GATAD2A: variants seen among roughly 807,000 people sequenced by gnomAD.
GATAD2A encodes the protein GATA zinc finger domain containing 2A.
GATAD2A carries 12 observed loss-of-function variants against 68.5 expected under a neutral mutation model. That is an observed-to-expected ratio of 0.18 (90% CI 0.11 to 0.28). The LOEUF (loss-of-function observed/expected upper bound fraction) is 0.28. Among genes scored for constraint, GATAD2A ranks in the 10% least tolerant of loss-of-function variants. GATAD2A has a pLI of 1.00. For missense variants in GATAD2A, 755 were observed against 868.5 expected, an observed-to-expected ratio of 0.87 and a Z score of 1.64; for synonymous variants, 410 against 375.3, an observed-to-expected ratio of 1.09 and a Z score of -1.07.
At chr19:19,429,984 C>G (rs2053554403) in intron 1 of GATAD2A, among the ~76,000 whole-genome samples, 1 of 152,064 alleles carries the variant, frequency 6.6e-6, no homozygotes. Context: ...TTGGCGGCAG[C>G]TTGCTGCTGT....
intron 1 of GATAD2A, among the ~76,000 whole-genome samples, chr19:19,416,267 G>A (rs937918137): frequency 6.6e-6 from 1 of 152,116 alleles, no homozygotes; most frequent in South Asian, 2.1e-4. Flanking sequence ...GTTAGTCCCG[G>A]GCAAGAGCGA....
At chr19:19,429,168 A>G (rs2053444885) in intron 1 of GATAD2A, 1 of 985,086 alleles carries the variant, frequency 1.0e-6, no homozygotes, top group African/African-American at 1.7e-5. Flanking sequence ...TCCATGGAGC[A>G]TGGAGCCTTT....
rs763142382 is a variant in GATAD2A, at chr19:19,502,071, C to T, written c.1578+28C>T. 3.9e-6 allele frequency: 6 copies of T among 1,557,384 alleles called. No individual in the cohort carries two copies. The South Asian group carries it at 4.5e-5, about 12-fold the overall frequency. On this transcript the variant is annotated intron_variant, in intron 10 of 11. Transcript: ENST00000683918. Reference sequence around the variant, plus strand: ...CAGAACCGCACTGGGCGCCGGGAGCCTCGCGCCCCCACCGCAGCCCGTGAC... The same window carrying T: ...CAGAACCGCACTGGGCGCCGGGAGCTTCGCGCCCCCACCGCAGCCCGTGAC...
intron 1 of GATAD2A, among the ~76,000 whole-genome samples, chr19:19,407,579 G>A (rs910295268): frequency 3.3e-5 from 5 of 152,204 alleles, no homozygotes; most frequent in Non-Finnish European, 7.3e-5. Flanking sequence ...ACCCTAGTGA[G>A]CATTTCCCTG....
intron 2 of GATAD2A, among the ~76,000 whole-genome samples, chr19:19,491,262 A>G (rs1208049422): frequency 1.3e-5 from 2 of 152,188 alleles, no homozygotes; most frequent in African/African-American, 2.4e-5. Flanking sequence ...CCATACTTTG[A>G]CAAAATAACA....
intron 1 of GATAD2A, among the ~76,000 whole-genome samples, chr19:19,454,958 T>C (rs570355246): frequency 5.3e-5 from 8 of 152,352 alleles, no homozygotes; most frequent in African/African-American, 1.7e-4. Flanking sequence ...CCTGTTTTGG[T>C]AAATAGAGTT....
chr19:19,484,723 C>T (rs2059315409), intron 2 of GATAD2A, among the ~76,000 whole-genome samples: 1 of 151,590 alleles, frequency 6.6e-6, no homozygotes. Context: ...TTAGTAGAGA[C>T]GAGGTTTCAC....
chr19:19,431,155 A>C (rs1176285083), intron 1 of GATAD2A, among the ~76,000 whole-genome samples: 1 of 151,944 alleles, frequency 6.6e-6, no homozygotes, highest in Non-Finnish European at 1.5e-5. Flanking sequence ...TAAAAACAGT[A>C]AAAGCTCTCT....
Position 19,492,683 on chromosome 19 carries a change from C to G in GATAD2A, c.505C>G (p.Gln169Glu). Residue 169 changes from glutamine (Q) to glutamate (E), a missense_variant, in exon 4 of 12, where the codon CAA (glutamine) becomes GAA (glutamate). Gln to Glu is a conservative substitution (Grantham distance 29). Coordinates refer to ENST00000683918, the MANE Select transcript of GATAD2A (RefSeq NM_001384528.1). ...LVLLKKLRQS[Q>E]IQKEATAQKP... ...GTTGTTGAAAAAGTTGCGGCAGAGTCAAATACAAAAGGAAGCCACCGCCCA... is the reference window on the plus strand; with the variant it reads ...GTTGTTGAAAAAGTTGCGGCAGAGTGAAATACAAAAGGAAGCCACCGCCCA... The G allele has an allele frequency of 6.2e-7, 1 of 1,614,120 alleles. No homozygotes were observed. Among genetic ancestry groups the G allele is most frequent in the South Asian group, 1.1e-5 (1 of 91,072 alleles).
At chr19:19,494,795 G>A (rs2060035234) in intron 5 of GATAD2A, among the ~76,000 whole-genome samples, 1 of 152,110 alleles carries the variant, frequency 6.6e-6, no homozygotes, top group Admixed American at 6.5e-5. Context: ...TCTCAAACAG[G>A]CCTGAGCCCT....
rs138610585 is a variant in GATAD2A, at chr19:19,430,422, A to G, written c.-7+24403A>G. ...GGGTGACCCTGTGAAGGGGGCATTC[A>G]GTTTGTGCAGGACCTAGGAGAGGGG... On this transcript the variant is annotated intron_variant, in intron 1 of 11. Transcript: ENST00000683918. Among the ~76,000 whole-genome samples, 6 of 152,278 alleles carry G rather than the reference A, an allele frequency of 3.9e-5. No individual in the cohort carries two copies. The East Asian group carries it at 1.2e-3, about 29-fold the overall frequency.
At chr19:19,436,278 G>T in intron 1 of GATAD2A, 4 of 934,560 alleles carry the variant, frequency 4.3e-6, no homozygotes, top group Non-Finnish European at 6.4e-6. Context: ...AGCAGGCTTC[G>T]GTCAGCTTCT....
chr19:19,460,729 G>T lies in GATAD2A; in HGVS notation c.-6-4611G>T, dbSNP rs2057355570. Among the ~76,000 whole-genome samples the T allele has an allele frequency of 3.3e-5, 5 of 152,148 alleles. No individual in the cohort carries two copies. The South Asian group carries it at 1.0e-3, about 32-fold the overall frequency. ...GAAAGAAAGCAACCCCCTCCGGAGT[G>T]CCCCAACTCCCCTCTGCTCTGTCCC... On this transcript the variant is annotated intron_variant, in intron 1 of 11. Coordinates refer to ENST00000683918, the MANE Select transcript of GATAD2A (RefSeq NM_001384528.1).
chr19:19,489,945 A>G (rs954097386), intron 2 of GATAD2A, among the ~76,000 whole-genome samples: 13 of 152,122 alleles, frequency 8.5e-5, no homozygotes, highest in Admixed American at 7.2e-4. Flanking sequence ...ACGTCCAGGG[A>G]ACCTGGAATT....
At position 19,472,328 on chromosome 19, in the gene GATAD2A, GT is replaced by G. The variant is rs1408274324; in HGVS notation, c.269+6718del. On this transcript the variant is annotated intron_variant, in intron 2 of 11. Coordinates refer to ENST00000683918, the MANE Select transcript of GATAD2A (RefSeq NM_001384528.1). ...CACCCAGATGGAAATAGCTTGATTT[GT>G]TTTCTTTTCTTTTTTTTTTTTGAGA... 2.0e-5 allele frequency: 3 copies of G among 151,208 alleles called. No individual in the cohort carries two copies. In the East Asian group the frequency reaches 5.8e-4, roughly 29 times the overall value. The allele number at this position is 151,208 out of a possible 1,614,324, so 9.4% of individuals were successfully genotyped here.
chr19:19,406,514 C>G (rs911303818), intron 1 of GATAD2A, among the ~76,000 whole-genome samples: 1 of 152,062 alleles, frequency 6.6e-6, no homozygotes, highest in East Asian at 1.9e-4. Context: ...CGCGCGCCCA[C>G]GCCTGGAGGG....
At chr19:19,448,574 C>A (rs561459992) in intron 1 of GATAD2A, among the ~76,000 whole-genome samples, 17 of 152,280 alleles carry the variant, frequency 1.1e-4, no homozygotes, top group African/African-American at 3.6e-4. Flanking sequence ...CTGCAACCTC[C>A]GCCTGCCGGG....
intron 2 of GATAD2A, among the ~76,000 whole-genome samples, chr19:19,466,733 T>C (rs1244106571): frequency 6.6e-6 from 1 of 152,254 alleles, no homozygotes; most frequent in Middle Eastern, 3.2e-3. Context: ...AGTCCTGCTG[T>C]CCAAAGAGGG....
chr19:19,468,256 C>T (rs575452666), intron 2 of GATAD2A, among the ~76,000 whole-genome samples: 15 of 152,340 alleles, frequency 9.8e-5, no homozygotes, highest in Non-Finnish European at 2.2e-4. Flanking sequence ...AACAGCTTCG[C>T]TGTGTGGGTG....
Sources: allele counts gnomAD v4.1 joint callset (sites outside exome capture counted in the v4.1 genomes callset), GRCh38; gene constraint gnomAD v4.1.1; transcripts MANE v1.5; gene names NCBI Gene and HGNC (gene_info 2026-07-23, HGNC 2026-07-21).